Variants in FAT3 observed in about 807,000 individuals in gnomAD.
FAT3 encodes the protein FAT atypical cadherin 3.
FAT3 carries 95 observed loss-of-function variants against 310.2 expected under a neutral mutation model. The observed-to-expected ratio is 0.31, with a 90% CI of 0.26 to 0.36. The LOEUF is 0.36. Ranked by LOEUF, FAT3 falls within the 10% of genes least tolerant of loss-of-function variation. The pLI is 1.00. For synonymous variants in FAT3, 2,314 were observed against 2,192.9 expected (o/e 1.06, Z -1.54); for missense variants, 5,408 against 5,715.6 (o/e 0.95, Z 1.74).
intron 7 of FAT3, among the ~76,000 whole-genome samples, chr11:92,779,957 G>T (rs761286939): frequency 2.2e-4 from 34 of 152,076 alleles, no homozygotes; most frequent in South Asian, 4.1e-4. Flanking sequence ...CTGACAGCCA[G>T]CAGGGAAACC....
intron 3 of FAT3, among the ~76,000 whole-genome samples, chr11:92,582,855 T>C (rs1938890244): frequency 6.6e-6 from 1 of 152,084 alleles, no homozygotes; most frequent in African/African-American, 2.4e-5. Flanking sequence ...ATTATCTTAA[T>C]GTAGGGATGG....
At position 92,891,342 on chromosome 11, in the gene FAT3, G is replaced by A. The variant is rs1591866840; in HGVS notation, c.*229G>A. The stretch of plus-strand genomic sequence containing the variant: ...TGAGAGGTGACTGGTAATCCTTGAT[G>A]TAGGTACCTATGTTCACAGCTAAAA... On this transcript the variant is annotated 3_prime_UTR_variant, in exon 28 of 28. Transcript: ENST00000525166. 1.7e-6 allele frequency: 1 copy of A among 592,736 alleles called. No homozygotes were observed. Among genetic ancestry groups the A allele is most frequent in the African/African-American group, 1.9e-5 (1 of 53,578 alleles). 36.7% of individuals were successfully genotyped at this position (592,736 alleles called of 1,614,324 possible).
Position 92,731,433 on chromosome 11 carries a change from T to C in FAT3, c.3670-30423T>C, listed in dbSNP as rs377722722. On this transcript the variant is annotated intron_variant, in intron 4 of 27. Coordinates refer to ENST00000525166, the MANE Select transcript of FAT3 (RefSeq NM_001367949.2). ...TCAATACTGCCCTTGTTGAGAAATA[T>C]GGACCTAGATCAACACCACCCATCT... is the stretch of plus-strand genomic sequence containing the variant. Among the ~76,000 whole-genome samples, 4 of 151,864 alleles carry C rather than the reference T, an allele frequency of 2.6e-5. No individual in the cohort carries two copies. In the East Asian group the frequency reaches 5.9e-4, roughly 22 times the overall value.
At chr11:92,234,701 A>G (rs758155809) in intron 1 of FAT3, among the ~76,000 whole-genome samples, 3 of 152,232 alleles carry the variant, frequency 2.0e-5, no homozygotes, top group Non-Finnish European at 2.9e-5. Flanking sequence ...CAGGAGTTCA[A>G]GATCAGCCTG....
intron 2 of FAT3, among the ~76,000 whole-genome samples, chr11:92,437,804 G>A (rs1296890021): frequency 1.3e-5 from 2 of 152,080 alleles, no homozygotes; most frequent in African/African-American, 4.8e-5. Flanking sequence ...ATTTGATCAT[G>A]GTCAGTCTTG....
chr11:92,784,110 G>A (rs1946828021), intron 7 of FAT3, among the ~76,000 whole-genome samples: 1 of 152,102 alleles, frequency 6.6e-6, no homozygotes, highest in South Asian at 2.1e-4. Context: ...GTAATACCTG[G>A]GGTTGAGTCT....
At chr11:92,665,618 C>G (rs1942924293) in intron 3 of FAT3, among the ~76,000 whole-genome samples, 1 of 152,100 alleles carries the variant, frequency 6.6e-6, no homozygotes, top group African/African-American at 2.4e-5. Context: ...ATGGGAATGA[C>G]CACAGATCAG....
At chr11:92,563,693 C>A (rs551561916) in intron 3 of FAT3, among the ~76,000 whole-genome samples, 1 of 152,158 alleles carries the variant, frequency 6.6e-6, no homozygotes, top group Admixed American at 6.5e-5. Context: ...GATCTCTCGG[C>A]AGAAACTCTA....
chr11:92,552,482 G>A (rs1954853330), intron 3 of FAT3, among the ~76,000 whole-genome samples: 1 of 152,070 alleles, frequency 6.6e-6, no homozygotes, highest in African/African-American at 2.4e-5. Flanking sequence ...TTCTTAAAAT[G>A]TATGCTAGAA....
At position 92,354,371 on chromosome 11, in the gene FAT3, C is replaced by T. The variant is rs114589936; in HGVS notation, c.2259C>T (p.Ala753=). The change falls in exon 2 of 28, where the codon GCC becomes GCT. Residue 753 remains alanine, a synonymous_variant. Coordinates refer to ENST00000525166, the MANE Select transcript of FAT3 (RefSeq NM_001367949.2). ...TTCTGAAGATTAAAGCCTATGATGC[C>T]GACTCTGGCTTCAATGGAAAAGTGC... ...ANILKIKAYD[A]DSGFNGKVLF... 519 of 1,613,820 alleles carry T rather than the reference C, an allele frequency of 3.2e-4. 5 individuals are homozygous for T. The African/African-American group carries it at 5.9e-3, about 18-fold the overall frequency.
At chr11:92,880,463 G>GTC (rs1420377307) in intron 22 of FAT3, among the ~76,000 whole-genome samples, 1 of 151,802 alleles carries the variant, frequency 6.6e-6, no homozygotes, top group Non-Finnish European at 1.5e-5. Flanking sequence ...CTTGAAATCT[G>GTC]TCCCTTGGGT....
At chr11:92,583,658 T>G (rs543847021) in intron 3 of FAT3, among the ~76,000 whole-genome samples, 1 of 152,094 alleles carries the variant, frequency 6.6e-6, no homozygotes, top group East Asian at 1.9e-4. Context: ...GCCCTGCCTC[T>G]AAAGCTCCAA....
intron 1 of FAT3, among the ~76,000 whole-genome samples, chr11:92,288,931 T>C (rs1946622184): frequency 6.6e-6 from 1 of 152,140 alleles, no homozygotes; most frequent in African/African-American, 2.4e-5. Flanking sequence ...TCCCATTTCA[T>C]TGCCTTCCCT....
chr11:92,439,783 G>T (rs1055265926), intron 2 of FAT3, among the ~76,000 whole-genome samples: 1 of 152,064 alleles, frequency 6.6e-6, no homozygotes, highest in Non-Finnish European at 1.5e-5. Flanking sequence ...TTAGCCAGGC[G>T]TTTGTGCCTG....
At chr11:92,696,942 A>G (rs1485984129) in intron 3 of FAT3, among the ~76,000 whole-genome samples, 1 of 152,250 alleles carries the variant, frequency 6.6e-6, no homozygotes, top group Non-Finnish European at 1.5e-5. Context: ...AAGTATAACA[A>G]AAATTATATG....
chr11:92,737,414 A>C (rs572388669), intron 4 of FAT3, among the ~76,000 whole-genome samples: 75 of 152,224 alleles, frequency 4.9e-4, no homozygotes, highest in African/African-American at 1.7e-3. Flanking sequence ...AAGTAATTGG[A>C]TCCTAATCCC....
chr11:92,681,703 A>G (rs1943484647), intron 3 of FAT3, among the ~76,000 whole-genome samples: 1 of 152,226 alleles, frequency 6.6e-6, no homozygotes, highest in Non-Finnish European at 1.5e-5. Flanking sequence ...ATGGCATTTG[A>G]ATCCCTTTAG....
At chr11:92,756,825 C>T (rs2136070434) in intron 4 of FAT3, among the ~76,000 whole-genome samples, 1 of 151,502 alleles carries the variant, frequency 6.6e-6, no homozygotes, top group Non-Finnish European at 1.5e-5. Flanking sequence ...GACTTAAAGA[C>T]ATGTTTCTTG....
chr11:92,882,585 T>TCCCC lies in FAT3; in HGVS notation c.12282-146_12282-143dup, dbSNP rs58520864. 9.7e-3 allele frequency among the ~76,000 whole-genome samples: 902 copies of TCCCC among 92,842 alleles called. 24 individuals carry two copies. Among genetic ancestry groups the TCCCC allele is most frequent in the South Asian group, 0.018 (40 of 2,202 alleles). 60.9% of individuals were successfully genotyped at this position (92,842 alleles called of 152,430 possible). On this transcript the variant is annotated intron_variant, in intron 23 of 27. Coordinates refer to ENST00000525166, the MANE Select transcript of FAT3 (RefSeq NM_001367949.2). ...CAGAAATGCCTAAATTAACTCCCCCTCCCCCCCCCCACCAACCATCTTTGT... is the reference window on the plus strand; with the variant it reads ...CAGAAATGCCTAAATTAACTCCCCCTCCCCCCCCCCCCCCACCAACCATCTTTGT...
Sources: allele counts gnomAD v4.1 joint callset (sites outside exome capture counted in the v4.1 genomes callset), GRCh38; gene constraint gnomAD v4.1.1; transcripts MANE v1.5; gene names NCBI Gene and HGNC (gene_info 2026-07-23, HGNC 2026-07-21).